Variants in CACNA2D1 observed in about 807,000 individuals in gnomAD.
CACNA2D1 encodes calcium voltage-gated channel auxiliary subunit alpha2delta 1, also known as voltage-dependent calcium channel subunit alpha-2/delta-1.
In CACNA2D1, 53 loss-of-function variants were observed where a neutral mutation model predicts 171.5. That is an observed-to-expected ratio of 0.31 (90% CI 0.25 to 0.39). The LOEUF (loss-of-function observed/expected upper bound fraction) is 0.39, where lower values mean the gene tolerates loss of function less well. Among genes scored for constraint, CACNA2D1 ranks in the 10% least tolerant of loss-of-function variants. The probability of loss-of-function intolerance (pLI) is 1.00; values close to 1 mark genes in which losing one functional copy is unlikely to be tolerated. For missense variants in CACNA2D1, 903 were observed against 1,299.8 expected (o/e 0.69, Z 4.69); for synonymous variants, 442 against 443.1 (o/e 1.00, Z 0.03).
intron 18 of CACNA2D1, among the ~76,000 whole-genome samples, chr7:82,001,307 G>A (rs1458959920): frequency 1.3e-5 from 2 of 152,064 alleles, no homozygotes; most frequent in Non-Finnish European, 1.5e-5. Flanking sequence ...TTATTTCCAC[G>A]TAGAAGTCAA....
chr7:82,343,408 A>G (rs7785494), intron 2 of CACNA2D1, among the ~76,000 whole-genome samples: 19,818 of 152,206 alleles, frequency 0.13, 1,914 homozygotes, highest in African/African-American at 0.27. Flanking sequence ...AATCGCAAAC[A>G]GGCCACTTAA....
intron 7 of CACNA2D1, among the ~76,000 whole-genome samples, chr7:82,077,743 T>C (rs1028295129): frequency 8.2e-6 from 1 of 121,626 alleles, no homozygotes; most frequent in Admixed American, 9.4e-5. Context: ...TATGTGTCCA[T>C]AAACAAATGT....
intron 3 of CACNA2D1, among the ~76,000 whole-genome samples, chr7:82,217,818 C>T (rs1291760342): frequency 1.3e-5 from 2 of 151,478 alleles, no homozygotes; most frequent in East Asian, 1.9e-4. Context: ...TTTCATCATT[C>T]TGTCACCATC....
intron 7 of CACNA2D1, among the ~76,000 whole-genome samples, chr7:82,080,151 CTA>C (rs1563014312): frequency 1.3e-4 from 1 of 7,634 alleles, no homozygotes; most frequent in Admixed American, 1.8e-3. Flanking sequence ...ACCTATATAC[CTA>C]TATATGTATA....
At chr7:82,039,828 TAAAG>T (rs1338288502) in intron 10 of CACNA2D1, among the ~76,000 whole-genome samples, 5 of 151,938 alleles carry the variant, frequency 3.3e-5, no homozygotes, top group South Asian at 2.1e-4. Context: ...TAAGAAAACA[TAAAG>T]AGAGTGAGTT....
At chr7:82,207,819 A>G (rs2129218563) in intron 3 of CACNA2D1, among the ~76,000 whole-genome samples, 1 of 152,324 alleles carries the variant, frequency 6.6e-6, no homozygotes, top group Admixed American at 6.5e-5. Context: ...GATTTAGGAA[A>G]TTACAGATTT....
intron 3 of CACNA2D1, among the ~76,000 whole-genome samples, chr7:82,296,278 C>A (rs546167880): frequency 2.4e-4 from 36 of 147,988 alleles, no homozygotes; most frequent in African/African-American, 8.6e-4. Context: ...AAAAAAAAAA[C>A]ATGTAGATTC....
At chr7:82,307,358 T>C (rs1813862886) in intron 3 of CACNA2D1, among the ~76,000 whole-genome samples, 1 of 151,748 alleles carries the variant, frequency 6.6e-6, no homozygotes, top group Admixed American at 6.6e-5. Context: ...AGTTTCACCA[T>C]GTTGGCCGGG....
At position 82,020,866 on chromosome 7, in the gene CACNA2D1, T is replaced by A. The variant is rs557294272; in HGVS notation, c.1144-6387A>T. The A allele has an allele frequency of 5.3e-5, 8 of 152,322 alleles. No homozygotes were observed. In the South Asian group the frequency reaches 1.4e-3, roughly 28 times the overall value. The allele number at this position is 152,322 out of a possible 1,614,324, so 9.4% of individuals were successfully genotyped here. On this transcript the variant is annotated intron_variant, in intron 12 of 38. Transcript: ENST00000356860. ...CGGAGAGAAGAATTTAATCGATGTC[T>A]GTTGAATTCGCTCAAGTAAATAAAA...
intron 3 of CACNA2D1, among the ~76,000 whole-genome samples, chr7:82,179,614 C>CT (rs1021349410): frequency 3.9e-5 from 6 of 152,090 alleles, no homozygotes; most frequent in Admixed American, 3.9e-4. Flanking sequence ...GTGACCGCTC[C>CT]TTTACATATC....
chr7:82,000,792 T>C (rs1798523072), intron 18 of CACNA2D1, among the ~76,000 whole-genome samples: 2 of 117,684 alleles, frequency 1.7e-5, no homozygotes, highest in Admixed American at 8.7e-5. Flanking sequence ...TTTTTTTTTT[T>C]TTTTTTTTTT....
At chr7:82,165,728 A>G (rs1017261670) in intron 4 of CACNA2D1, among the ~76,000 whole-genome samples, 1 of 151,992 alleles carries the variant, frequency 6.6e-6, no homozygotes, top group Non-Finnish European at 1.5e-5. Flanking sequence ...ATAAAGTCTC[A>G]AGACTCTTAA....
At chr7:82,362,836 A>G (rs1821222433) in intron 1 of CACNA2D1, among the ~76,000 whole-genome samples, 1 of 152,224 alleles carries the variant, frequency 6.6e-6, no homozygotes, top group Non-Finnish European at 1.5e-5. Context: ...TCCAGTTCTT[A>G]ATAAATGGAA....
chr7:82,346,328 C>T (rs539548168), intron 2 of CACNA2D1, among the ~76,000 whole-genome samples: 1 of 152,248 alleles, frequency 6.6e-6, no homozygotes, highest in South Asian at 2.1e-4. Flanking sequence ...AAATGAATGA[C>T]ATTTGTTGAG....
intron 3 of CACNA2D1, among the ~76,000 whole-genome samples, chr7:82,287,483 C>T (rs758362188): frequency 3.9e-5 from 6 of 152,152 alleles, no homozygotes; most frequent in Non-Finnish European, 7.4e-5. Context: ...TTTCCATTTT[C>T]TTTCTCATAC....
intron 18 of CACNA2D1, among the ~76,000 whole-genome samples, chr7:81,998,812 G>A (rs184771826): frequency 2.4e-4 from 37 of 152,068 alleles, no homozygotes; most frequent in African/African-American, 6.3e-4. Context: ...GAAATGCAGC[G>A]TATTTTAAAA....
intron 3 of CACNA2D1, among the ~76,000 whole-genome samples, chr7:82,257,395 T>C (rs1330642935): frequency 6.6e-6 from 1 of 152,346 alleles, no homozygotes; most frequent in African/African-American, 2.4e-5. Flanking sequence ...GTGCCAATCA[T>C]CTATTTTCAG....
At chr7:82,059,245 A>T (rs1201689555) in intron 10 of CACNA2D1, among the ~76,000 whole-genome samples, 2 of 152,164 alleles carry the variant, frequency 1.3e-5, no homozygotes, top group African/African-American at 2.4e-5. Context: ...AATGGCCATG[A>T]AATATTTTGC....
chr7:82,106,847 GATT>G (rs766686612), intron 6 of CACNA2D1, among the ~76,000 whole-genome samples: 74 of 152,152 alleles, frequency 4.9e-4, no homozygotes, highest in Admixed American at 8.5e-4. Flanking sequence ...AGTGTGCTAG[GATT>G]TATGTGATCT....
Sources: allele counts gnomAD v4.1 joint callset (sites outside exome capture counted in the v4.1 genomes callset), GRCh38; gene constraint gnomAD v4.1.1; transcripts MANE v1.5; gene names NCBI Gene and HGNC (gene_info 2026-07-23, HGNC 2026-07-21).